UTRN: variants seen among roughly 807,000 people sequenced by gnomAD.
The protein encoded by UTRN is dystrophin-related protein 1.
A neutral mutation model predicts 463.9 loss-of-function variants in UTRN; 283 were observed. The observed-to-expected ratio is 0.61, with a 90% CI of 0.55 to 0.67. UTRN has a LOEUF of 0.67. Ranked by LOEUF, UTRN falls within the 30% of genes least tolerant of loss-of-function variation. UTRN has a pLI of 0.00. For synonymous variants in UTRN, 1,442 were observed against 1,431.5 expected (o/e 1.01, Z -0.17); for missense variants, 3,922 against 4,084.3 (o/e 0.96, Z 1.08).
chr6:144,822,058 A>G (rs972788367), intron 66 of UTRN, among the ~76,000 whole-genome samples: 1 of 152,120 alleles, frequency 6.6e-6, no homozygotes, highest in Admixed American at 6.5e-5. Flanking sequence ...TTGTGAAATG[A>G]AACTTTAGCC....
At chr6:144,723,859 A>G (rs993502250) in intron 53 of UTRN, among the ~76,000 whole-genome samples, 6 of 151,804 alleles carry the variant, frequency 4.0e-5, no homozygotes, top group Admixed American at 2.0e-4. Flanking sequence ...GTAAAAAAAA[A>G]ATTGGCCAGG....
intron 73 of UTRN, among the ~76,000 whole-genome samples, chr6:144,844,989 A>C (rs2128764889): frequency 6.6e-6 from 1 of 152,342 alleles, no homozygotes; most frequent in South Asian, 2.1e-4. Flanking sequence ...ATAAATCCTA[A>C]TTGTGTGAAT....
chr6:144,741,886 A>G (rs1790137458), intron 54 of UTRN, among the ~76,000 whole-genome samples: 1 of 152,152 alleles, frequency 6.6e-6, no homozygotes, highest in South Asian at 2.1e-4. Context: ...GAATGTATTT[A>G]GACTCCAGTT....
At chr6:144,596,024 GC>G (rs1334571458) in intron 51 of UTRN, among the ~76,000 whole-genome samples, 1 of 152,164 alleles carries the variant, frequency 6.6e-6, no homozygotes, top group African/African-American at 2.4e-5. Context: ...TCTAATGGAA[GC>G]CTAATGACCT....
intron 54 of UTRN, among the ~76,000 whole-genome samples, chr6:144,742,596 A>G (rs1237963529): frequency 6.6e-6 from 1 of 152,164 alleles, no homozygotes; most frequent in African/African-American, 2.4e-5. Flanking sequence ...GAAAATCTCT[A>G]CAGATATCTA....
At chr6:144,844,004 G>C (rs920367962) in intron 73 of UTRN, among the ~76,000 whole-genome samples, 2 of 152,110 alleles carry the variant, frequency 1.3e-5, no homozygotes, top group African/African-American at 4.8e-5. Context: ...TGTATGAAAT[G>C]ATGAAAAGTG....
chr6:144,467,210 T>C (rs991330073), intron 23 of UTRN, among the ~76,000 whole-genome samples: 1 of 152,222 alleles, frequency 6.6e-6, no homozygotes, highest in African/African-American at 2.4e-5. Flanking sequence ...GTCATGTACT[T>C]GCTAGGAATT....
chr6:144,307,540 G>A (rs1286749716), intron 2 of UTRN, among the ~76,000 whole-genome samples: 1 of 152,108 alleles, frequency 6.6e-6, no homozygotes, highest in African/African-American at 2.4e-5. Flanking sequence ...AATTAGATTG[G>A]CAGTCCAATA....
chr6:144,721,607 C>G (rs1347798737), intron 53 of UTRN, among the ~76,000 whole-genome samples: 1 of 152,100 alleles, frequency 6.6e-6, no homozygotes, highest in Non-Finnish European at 1.5e-5. Flanking sequence ...TACAATTTGT[C>G]TGGGAGGGGA....
rs562228337 is a variant in UTRN, at chr6:144,427,086, T to C, written c.578+627T>C. ...GCTATATAAGAATGGTGTTTTCATA[T>C]GGTTCAACCTAATAAAATTAAGAAC... On this transcript the variant is annotated intron_variant, in intron 7 of 74. Coordinates refer to ENST00000367545, the MANE Select transcript of UTRN (RefSeq NM_007124.3). 5.9e-5 allele frequency among the ~76,000 whole-genome samples: 9 copies of C among 152,354 alleles called. No individual in the cohort carries two copies. The South Asian group carries it at 1.0e-3, about 18-fold the overall frequency.
chr6:144,664,236 G>A (rs1780164195), intron 51 of UTRN, among the ~76,000 whole-genome samples: 3 of 152,278 alleles, frequency 2.0e-5, no homozygotes, highest in Admixed American at 1.3e-4. Context: ...CTTGTGTCAG[G>A]GGAAGAAATT....
At chr6:144,353,364 T>G (rs1353231734) in intron 2 of UTRN, among the ~76,000 whole-genome samples, 1 of 151,966 alleles carries the variant, frequency 6.6e-6, no homozygotes, top group Non-Finnish European at 1.5e-5. Context: ...TCCACCTGCC[T>G]CTGCCTCCCA....
chr6:144,363,981 A>G (rs900335622), intron 2 of UTRN, among the ~76,000 whole-genome samples: 6 of 152,220 alleles, frequency 3.9e-5, no homozygotes, highest in Non-Finnish European at 5.9e-5. Context: ...TGTGATCAGA[A>G]GAAGGTGAAT....
At chr6:144,307,602 C>T (rs1200870040) in intron 2 of UTRN, among the ~76,000 whole-genome samples, 2 of 152,128 alleles carry the variant, frequency 1.3e-5, no homozygotes, top group African/African-American at 2.4e-5. Context: ...AAATTCTGGT[C>T]CTTACTTTAC....
At chr6:144,815,578 A>G (rs1779005065) in intron 65 of UTRN, among the ~76,000 whole-genome samples, 1 of 152,222 alleles carries the variant, frequency 6.6e-6, no homozygotes, top group African/African-American at 2.4e-5. Context: ...ACAGTCCAAA[A>G]GTTGAAGAAC....
At chr6:144,688,671 A>T (rs948470279) in intron 52 of UTRN, among the ~76,000 whole-genome samples, 3 of 151,092 alleles carry the variant, frequency 2.0e-5, no homozygotes, top group Non-Finnish European at 4.4e-5. Flanking sequence ...TAGAGTCTGT[A>T]TGATGGCTTT....
chr6:144,621,626 A>T (rs1357317756), intron 51 of UTRN, among the ~76,000 whole-genome samples: 1 of 152,176 alleles, frequency 6.6e-6, no homozygotes, highest in Admixed American at 6.5e-5. Context: ...TAGCCTGTGT[A>T]TGTGAAACAG....
At chr6:144,575,798 A>G (rs1437199327) in intron 50 of UTRN, among the ~76,000 whole-genome samples, 3 of 152,078 alleles carry the variant, frequency 2.0e-5, no homozygotes, top group African/African-American at 4.8e-5. Context: ...CTGTATCACA[A>G]AATTCATCAG....
intron 54 of UTRN, among the ~76,000 whole-genome samples, chr6:144,733,381 G>T (rs1303936962): frequency 2.0e-5 from 3 of 152,094 alleles, no homozygotes; most frequent in African/African-American, 7.2e-5. Context: ...GCCAGGTGTG[G>T]TGGTGCATGC....
Sources: gnomAD v4.1 joint callset for allele counts (sites outside exome capture counted in the v4.1 genomes callset) on GRCh38, gnomAD v4.1.1 for gene constraint, MANE v1.5 for transcripts, NCBI Gene and HGNC (gene_info 2026-07-23, HGNC 2026-07-21) for gene names.